ANKRD54: variants seen among roughly 807,000 people sequenced by gnomAD.
The protein encoded by ANKRD54 is ankyrin repeat domain-containing protein 54.
ANKRD54 carries 26 observed loss-of-function variants against 36.2 expected under a neutral mutation model. That is an observed-to-expected ratio of 0.72 (90% CI 0.53 to 1.00). The LOEUF is 1.00. Ranked by LOEUF, ANKRD54 falls within the 50% of genes least tolerant of loss-of-function variation. The probability of loss-of-function intolerance (pLI) is 0.00; values close to 1 mark genes in which losing one functional copy is unlikely to be tolerated. For synonymous variants in ANKRD54, 209 were observed against 188.4 expected, an observed-to-expected ratio of 1.11 and a Z score of -0.89; for missense variants, 384 against 424.3, an observed-to-expected ratio of 0.91 and a Z score of 0.83.
upstream of ANKRD54, among the ~76,000 whole-genome samples, chr22:37,846,457 CGT>C (rs923289274): frequency 2.0e-5 from 3 of 152,158 alleles, no homozygotes; most frequent in Non-Finnish European, 2.9e-5. Flanking sequence ...TGTGTACCAC[CGT>C]GCCTGGCTAA....
chr22:37,838,152 C>T (rs75422245), intron 3 of ANKRD54, among the ~76,000 whole-genome samples: 1,529 of 151,952 alleles, frequency 0.01, 31 homozygotes, highest in African/African-American at 0.035. Flanking sequence ...AAAAAGACTC[C>T]TATAAAAAGA....
intron 3 of ANKRD54, 23 bp from the exon 4 acceptor site, chr22:37,833,778 G>GC: frequency 6.2e-7 from 1 of 1,611,774 alleles, no homozygotes; most frequent in Non-Finnish European, 8.5e-7. Flanking sequence ...AAACCCAAGA[G>GC]GAGTTGTCGG....
chr22:37,839,766 T>C (rs1448200892), intron 2 of ANKRD54, among the ~76,000 whole-genome samples: 2 of 151,860 alleles, frequency 1.3e-5, no homozygotes, highest in Non-Finnish European at 2.9e-5. Context: ...GTGATCCTCT[T>C]GCCTTAGCCT....
At chr22:37,832,885 G>A in intron 6 of ANKRD54, 73 bp downstream of exon 6, 2 of 1,605,292 alleles carry the variant, frequency 1.2e-6, no homozygotes, top group African/African-American at 1.3e-5. Context: ...AGAGGCAGGT[G>A]TGTCTGTGGT....
Position 37,831,517 on chromosome 22 carries a change from C to T in ANKRD54, c.*426G>A, listed in dbSNP as rs1219369446. On this transcript the variant is annotated 3_prime_UTR_variant, in exon 8 of 8. Coordinates refer to ENST00000215941, the MANE Select transcript of ANKRD54 (RefSeq NM_138797.4). ...ACCAACTGAGGGCCTCACGCAGTAC[C>T]CCTGGCCACAGGGTGCCCGCCTAAG... The T allele has an allele frequency of 1.1e-5, 2 of 184,134 alleles. No homozygotes were observed. Among genetic ancestry groups the T allele is most frequent in the African/African-American group, 4.6e-5 (2 of 43,040 alleles). The allele number at this position is 184,134 out of a possible 1,614,324, so 11.4% of individuals were successfully genotyped here.
chr22:37,843,135 G>A (rs530452133), intron 1 of ANKRD54, among the ~76,000 whole-genome samples: 10 of 152,320 alleles, frequency 6.6e-5, no homozygotes, highest in African/African-American at 2.4e-4. Flanking sequence ...GAGAAAACTA[G>A]GGCTGAGGCC....
intron 1 of ANKRD54, among the ~76,000 whole-genome samples, chr22:37,841,295 G>A (rs1005886162): frequency 1.3e-5 from 2 of 152,056 alleles, no homozygotes; most frequent in East Asian, 1.9e-4. Flanking sequence ...GAAAGCTGAG[G>A]TGGGCAGATT....
intron 1 of ANKRD54, among the ~76,000 whole-genome samples, chr22:37,840,687 A>G (rs1201719439): frequency 2.0e-5 from 3 of 151,542 alleles, no homozygotes; most frequent in African/African-American, 7.3e-5. Flanking sequence ...GGAGTTCAAA[A>G]CCAGCCTGGA....
chr22:37,841,547 C>CAT, intron 1 of ANKRD54, among the ~76,000 whole-genome samples: 1 of 146,798 alleles, frequency 6.8e-6, no homozygotes, highest in African/African-American at 2.5e-5. Flanking sequence ...CACACACACA[C>CAT]ACACACACAC....
At chr22:37,833,288 G>C (rs1372908534) in intron 4 of ANKRD54, 82 bp from the exon 5 acceptor site, 27 of 1,551,114 alleles carry the variant, frequency 1.7e-5, no homozygotes, top group Middle Eastern at 2.0e-4. Context: ...GCAGGGCTGT[G>C]TCTCCCAGAC....
chr22:37,845,213 GATTAC>G (rs1213261942), upstream of ANKRD54, among the ~76,000 whole-genome samples: 1 of 152,126 alleles, frequency 6.6e-6, no homozygotes, highest in African/African-American at 2.4e-5. Context: ...AATACAAAGT[GATTAC>G]ATTAGAGCAA....
At chr22:37,838,473 A>G (rs1569098410) in intron 3 of ANKRD54, 27 bp downstream of exon 3, 1 of 1,591,996 alleles carries the variant, frequency 6.3e-7, no homozygotes, top group Non-Finnish European at 8.6e-7. Context: ...GCCTAGCCCT[A>G]CTCCCTCCTC....
Position 37,844,226 on chromosome 22 carries a change from C to T in ANKRD54, c.13G>A (p.Ala5Thr). 11 of 1,537,406 alleles carry T rather than the reference C, an allele frequency of 7.2e-6. No homozygotes were observed. The highest frequency in any genetic ancestry group is 8.7e-6 in the Non-Finnish European group (10 of 1,152,220). MAAA[A>T]GDADDEPRSG... ...CGCGGCTCGTCGTCCGCGTCCCCGG[C>T]GGCGGCTGCCATGGCAACGGCTCCG... Residue 5 changes from alanine to threonine, a missense_variant, in exon 1 of 8, where the codon GCC becomes ACC. Physicochemically the swap from Ala to Thr is moderately conservative, Grantham distance 58. Around this residue, in one of 3 missense-constraint regions of ANKRD54, gnomAD observed 195 missense variants for 177.7 expected, o/e 1.10. Transcript: ENST00000215941.
In ANKRD54 at chr22:37,840,585, C is replaced by CAA. The variant is rs534011519; in HGVS notation, c.329-353_329-352dup. On this transcript the variant is annotated intron_variant, in intron 1 of 7. Coordinates refer to ENST00000215941, the MANE Select transcript of ANKRD54 (RefSeq NM_138797.4). ...AAACAAACAAACAAACAAACACACACAAAAAAAACACAGCCATTGGCTGGG... is the reference window on the plus strand; with the variant it reads ...AAACAAACAAACAAACAAACACACACAAAAAAAAAACACAGCCATTGGCTGGG... Among the ~76,000 whole-genome samples the CAA allele has an allele frequency of 3.9e-3, 568 of 144,804 alleles. 1 individual carries two copies. Among genetic ancestry groups the CAA allele is most frequent in the African/African-American group, 0.014 (537 of 39,482 alleles). 95.0% of individuals were successfully genotyped at this position (144,804 alleles called of 152,430 possible).
chr22:37,832,765 G>A (rs1242899636), intron 6 of ANKRD54, 21 bp from the exon 7 acceptor site: 1 of 1,613,156 alleles, frequency 6.2e-7, no homozygotes, highest in Admixed American at 1.7e-5. Flanking sequence ...AGGGTGAGCT[G>A]AGCTGCCTGG....
intron 7 of ANKRD54, among the ~76,000 whole-genome samples, chr22:37,832,384 T>A (rs186629391): frequency 6.6e-6 from 1 of 152,274 alleles, no homozygotes; most frequent in African/African-American, 2.4e-5. Flanking sequence ...CCACATGTTC[T>A]GAGAGGACCT....
At position 37,833,484 on chromosome 22, in the gene ANKRD54, C is replaced by T. The variant is rs547760180; in HGVS notation, c.547+200G>A. Among the ~76,000 whole-genome samples, 3 of 152,204 alleles carry T rather than the reference C, an allele frequency of 2.0e-5. No homozygotes were observed. The East Asian group carries it at 5.8e-4, about 29-fold the overall frequency. On this transcript the variant is annotated intron_variant, in intron 4 of 7. Transcript: ENST00000215941. ...GCCTAGGTTGCTAAATTGGCTCTGC[C>T]GAGGGCACAGCCAACTGCTAAATGA...
intron 3 of ANKRD54, among the ~76,000 whole-genome samples, chr22:37,835,525 G>A (rs1284330568): frequency 6.6e-6 from 1 of 152,096 alleles, no homozygotes; most frequent in African/African-American, 2.4e-5. Flanking sequence ...ATAAGAAAAA[G>A]GCCAGGCGCA....
chr22:37,834,630 C>A (rs1301464295), intron 3 of ANKRD54: 1 of 122,568 alleles, frequency 8.2e-6, no homozygotes, highest in East Asian at 2.7e-4. Context: ...CCCAGAAGGT[C>A]GAGGTTGCAG....
Sources: allele counts gnomAD v4.1 joint callset (sites outside exome capture counted in the v4.1 genomes callset), GRCh38; gene constraint gnomAD v4.1.1; regional missense constraint gnomAD v4.1.1; transcripts MANE v1.5; gene names NCBI Gene and HGNC (gene_info 2026-07-23, HGNC 2026-07-21).